Variants in OSBPL10 observed in about 807,000 individuals in gnomAD.
OSBPL10 encodes the protein oxysterol binding protein like 10, also known as oxysterol-binding protein-related protein 10.
A neutral mutation model predicts 81.7 loss-of-function variants in OSBPL10; 49 were observed. That is an observed-to-expected ratio of 0.60 (90% CI 0.48 to 0.76). OSBPL10 has a LOEUF of 0.76. Ranked by LOEUF, OSBPL10 falls within the 30% of genes least tolerant of loss-of-function variation. The pLI is 0.00. For missense variants in OSBPL10, 923 were observed against 987.8 expected (o/e 0.93, Z 0.88); for synonymous variants, 419 against 383.6 (o/e 1.09, Z -1.08).
intron 1 of OSBPL10, among the ~76,000 whole-genome samples, chr3:31,884,574 T>C (rs1015540198): frequency 6.6e-6 from 1 of 152,350 alleles, no homozygotes; most frequent in South Asian, 2.1e-4. Context: ...AAATTAAATT[T>C]GGTTTCCCAC....
chr3:31,754,699 G>A (rs1485181799), intron 4 of OSBPL10, among the ~76,000 whole-genome samples: 2 of 152,134 alleles, frequency 1.3e-5, no homozygotes, highest in African/African-American at 4.8e-5. Flanking sequence ...TGTTCTCTGT[G>A]GCAACTACTC....
chr3:31,947,582 A>G (rs1184298277), intron 1 of OSBPL10, among the ~76,000 whole-genome samples: 5 of 152,140 alleles, frequency 3.3e-5, no homozygotes, highest in African/African-American at 4.8e-5. Flanking sequence ...GACAGCACTG[A>G]GAAGGTACTC....
intron 2 of OSBPL10, among the ~76,000 whole-genome samples, chr3:31,993,309 A>G (rs753023760): frequency 3.9e-5 from 6 of 151,918 alleles, no homozygotes; most frequent in Non-Finnish European, 5.9e-5. Flanking sequence ...TCCCAGGTTC[A>G]AGCACTTCTC....
At chr3:31,720,700 A>T (rs1426319876) in intron 6 of OSBPL10, among the ~76,000 whole-genome samples, 1 of 151,874 alleles carries the variant, frequency 6.6e-6, no homozygotes, top group Non-Finnish European at 1.5e-5. Context: ...GGAGTTCGAG[A>T]CCAGCCTGGG....
At chr3:31,669,377 G>A (rs984745258) in intron 9 of OSBPL10, among the ~76,000 whole-genome samples, 1 of 152,120 alleles carries the variant, frequency 6.6e-6, no homozygotes, top group Admixed American at 6.6e-5. Flanking sequence ...ACCCTAAAAA[G>A]TGTGTAAGAG....
chr3:31,985,497 A>G (rs575731237), upstream of OSBPL10, among the ~76,000 whole-genome samples: 52 of 152,296 alleles, frequency 3.4e-4, 1 homozygote, highest in Middle Eastern at 0.014. Flanking sequence ...GGAGCTGACT[A>G]CCCCATCTTC....
At chr3:31,764,579 T>C (rs7631385) in intron 4 of OSBPL10, among the ~76,000 whole-genome samples, 95,233 of 152,110 alleles carry the variant, frequency 0.63, 32,030 homozygotes, top group East Asian at 0.8. Context: ...CACGGTTCTC[T>C]AGCAAATTTG....
At chr3:31,701,138 T>A (rs541620443) in intron 7 of OSBPL10, among the ~76,000 whole-genome samples, 4 of 152,184 alleles carry the variant, frequency 2.6e-5, no homozygotes, top group Non-Finnish European at 4.4e-5. Flanking sequence ...GGTTAGTCAC[T>A]CTGTTCTGTC....
chr3:32,058,300 G>A (rs1261415989), intron 1 of OSBPL10, among the ~76,000 whole-genome samples: 1 of 152,052 alleles, frequency 6.6e-6, no homozygotes, highest in East Asian at 1.9e-4. Context: ...TAGGTATATG[G>A]GTTTCTCTGT....
chr3:31,738,153 C>T (rs891302306), intron 5 of OSBPL10, among the ~76,000 whole-genome samples: 6 of 151,916 alleles, frequency 3.9e-5, no homozygotes, highest in African/African-American at 1.5e-4. Context: ...ACTGTGGGGG[C>T]TGCTTAAAGG....
chr3:32,051,161 A>G (rs1470396372), intron 1 of OSBPL10, among the ~76,000 whole-genome samples: 1 of 152,140 alleles, frequency 6.6e-6, no homozygotes, highest in African/African-American at 2.4e-5. Context: ...TGATGCACAC[A>G]TGAGAGGACC....
chr3:31,825,360 C>T (rs1377396573), intron 4 of OSBPL10, among the ~76,000 whole-genome samples: 1 of 152,006 alleles, frequency 6.6e-6, no homozygotes, highest in African/African-American at 2.4e-5. Context: ...CTTGCACAGT[C>T]GCCTAGGGTG....
chr3:31,812,065 T>C (rs921781124), intron 4 of OSBPL10, among the ~76,000 whole-genome samples: 1 of 152,210 alleles, frequency 6.6e-6, no homozygotes, highest in East Asian at 1.9e-4. Flanking sequence ...CTTGCTCTTG[T>C]TGCCCAGGCT....
At chr3:31,880,412 G>A (rs1381419990) in intron 1 of OSBPL10, among the ~76,000 whole-genome samples, 1 of 152,200 alleles carries the variant, frequency 6.6e-6, no homozygotes. Context: ...GCTCTGGGAC[G>A]TTGAAATGCC....
chr3:31,828,200 G>C (rs987579569), intron 4 of OSBPL10, among the ~76,000 whole-genome samples: 1 of 152,188 alleles, frequency 6.6e-6, no homozygotes, highest in Non-Finnish European at 1.5e-5. Flanking sequence ...TCATAGTTAA[G>C]TGTTGTGTCA....
intron 1 of OSBPL10, among the ~76,000 whole-genome samples, chr3:31,965,327 A>G (rs956362609): frequency 1.4e-5 from 2 of 143,536 alleles, no homozygotes; most frequent in Non-Finnish European, 3.0e-5. Context: ...CTGAGATCGC[A>G]CTACTGCACT....
chr3:31,702,809 GC>G (rs1695940983), intron 6 of OSBPL10, among the ~76,000 whole-genome samples: 1 of 152,162 alleles, frequency 6.6e-6, no homozygotes, highest in Admixed American at 6.5e-5. Context: ...ATGGGTATGA[GC>G]CCCCTTCATT....
intron 1 of OSBPL10, among the ~76,000 whole-genome samples, chr3:31,962,121 AT>A (rs200099067): frequency 1.3e-5 from 2 of 151,656 alleles, no homozygotes; most frequent in Non-Finnish European, 2.9e-5. Context: ...CGCCCAGCTA[AT>A]TTTTTTGTAT....
chr3:31,748,359 G>C (rs577149114), intron 4 of OSBPL10, among the ~76,000 whole-genome samples: 1 of 152,150 alleles, frequency 6.6e-6, no homozygotes, highest in Non-Finnish European at 1.5e-5. Flanking sequence ...GGGGCCATTA[G>C]GGCCATCTGG....
Sources: allele counts gnomAD v4.1 joint callset (sites outside exome capture counted in the v4.1 genomes callset), GRCh38; gene constraint gnomAD v4.1.1; transcripts MANE v1.5; gene names NCBI Gene and HGNC (gene_info 2026-07-23, HGNC 2026-07-21).